The following DISP1 variants were observed in gnomAD, a reference collection of about 807,000 sequenced individuals.
The protein encoded by DISP1 is dispatched RND transporter family member 1, also known as protein dispatched homolog 1.
In DISP1, 30 loss-of-function variants were observed where a neutral mutation model predicts 37.3. The observed-to-expected ratio is 0.80, with a 90% CI of 0.60 to 1.09. The LOEUF (loss-of-function observed/expected upper bound fraction) is 1.09. DISP1 is among the 50% of genes least tolerant of loss of function. The probability of loss-of-function intolerance (pLI) is 0.00; values close to 1 mark genes in which losing one functional copy is unlikely to be tolerated. For synonymous variants in DISP1, 634 were observed against 690.2 expected, an observed-to-expected ratio of 0.92 and a Z score of 1.28; for missense variants, 1,598 against 1,879.5, an observed-to-expected ratio of 0.85 and a Z score of 2.77.
At chr1:222,898,454 A>T (rs1030869615) in intron 1 of DISP1, among the ~76,000 whole-genome samples, 5 of 151,870 alleles carry the variant, frequency 3.3e-5, no homozygotes, top group South Asian at 4.2e-4. Flanking sequence ...CCTGCCAAAA[A>T]TTTTTTGAAG....
rs74317457 is a variant in DISP1 at position 222,983,238 on chromosome 1, T to C, written c.539+129T>C. The C allele has an allele frequency of 2.4e-3, 1,939 of 809,178 alleles. 29 individuals carry two copies. The African/African-American group carries it at 0.03, about 13-fold the overall frequency. 50.1% of individuals were successfully genotyped at this position (809,178 alleles called of 1,614,324 possible). A position where few individuals can be genotyped will look rare whatever the true frequency, so the allele number is the denominator to read the frequency against. The stretch of plus-strand genomic sequence containing the variant: ...CATATTTTTATGAAAGAAAAAGAAA[T>C]GTCCCATGAGTTGGCTGCTTGAGGA... On this transcript the variant is annotated intron_variant, in intron 4 of 8. Coordinates refer to ENST00000675850, the MANE Select transcript of DISP1 (RefSeq NM_001377229.1).
intron 8 of DISP1, among the ~76,000 whole-genome samples, chr1:222,996,516 T>C (rs960302805): frequency 6.6e-6 from 1 of 152,236 alleles, no homozygotes; most frequent in African/African-American, 2.4e-5. Flanking sequence ...CTACCTTTGG[T>C]TGATCTTCAG....
chr1:222,842,729 T>C lies in DISP1; in HGVS notation c.-159+27651T>C, dbSNP rs377404585. ...GTATACATTAATTTATTAATGGTAC[T>C]AAGAAGTCCTGTGGTAATAAAAATG... is the stretch of plus-strand genomic sequence containing the variant. On this transcript the variant is annotated intron_variant, in intron 1 of 8. Coordinates refer to ENST00000675850, the MANE Select transcript of DISP1 (RefSeq NM_001377229.1). Among the ~76,000 whole-genome samples, 11 of 152,200 alleles carry C rather than the reference T, an allele frequency of 7.2e-5. No homozygotes were observed. In the Middle Eastern group the frequency reaches 0.01, roughly 141 times the overall value.
chr1:222,824,626 TC>T (rs1345217276), intron 1 of DISP1, among the ~76,000 whole-genome samples: 1 of 152,122 alleles, frequency 6.6e-6, no homozygotes, highest in African/African-American at 2.4e-5. Context: ...TTTTTTTTTT[TC>T]CAGGATGGTA....
At chr1:222,942,338 A>G (rs778757674) in intron 2 of DISP1, among the ~76,000 whole-genome samples, 3 of 152,148 alleles carry the variant, frequency 2.0e-5, no homozygotes, top group Admixed American at 6.6e-5. Flanking sequence ...CATTCTTAAG[A>G]TTATTCAAAT....
At chr1:222,858,578 C>T (rs1453827457) in intron 1 of DISP1, among the ~76,000 whole-genome samples, 1 of 151,974 alleles carries the variant, frequency 6.6e-6, no homozygotes, top group African/African-American at 2.4e-5. Context: ...TGCACTCTAT[C>T]CATCTGATAA....
chr1:222,965,008 GT>G (rs956139537), intron 3 of DISP1, among the ~76,000 whole-genome samples: 13 of 149,468 alleles, frequency 8.7e-5, no homozygotes, highest in South Asian at 8.5e-4. Context: ...TCCTTCAGTA[GT>G]TTTTTTTTTC....
intron 1 of DISP1, among the ~76,000 whole-genome samples, chr1:222,891,845 A>G (rs1197477094): frequency 6.6e-6 from 1 of 152,090 alleles, no homozygotes; most frequent in Non-Finnish European, 1.5e-5. Context: ...AGGCCAATGG[A>G]GAAGAAGAAG....
At chr1:222,978,873 G>T (rs1677609725) in intron 3 of DISP1, among the ~76,000 whole-genome samples, 1 of 152,060 alleles carries the variant, frequency 6.6e-6, no homozygotes, top group Non-Finnish European at 1.5e-5. Flanking sequence ...CTGTTCCATT[G>T]GTCTATCTCT....
intron 7 of DISP1, among the ~76,000 whole-genome samples, chr1:222,994,060 G>T (rs1385276914): frequency 6.6e-6 from 1 of 151,910 alleles, no homozygotes; most frequent in African/African-American, 2.4e-5. Context: ...TTAATACGTG[G>T]TTCATATTGT....
At chr1:222,910,345 G>A (rs535813079) in intron 1 of DISP1, among the ~76,000 whole-genome samples, 48 of 152,156 alleles carry the variant, frequency 3.2e-4, no homozygotes, top group African/African-American at 1.1e-3. Context: ...CCTGGGGGTC[G>A]GAGTAAGACC....
At chr1:222,986,697 C>T (rs1353857990) in intron 4 of DISP1, among the ~76,000 whole-genome samples, 2 of 152,178 alleles carry the variant, frequency 1.3e-5, no homozygotes, top group East Asian at 1.9e-4. Flanking sequence ...AGATCCGTCT[C>T]CTATTAGAGA....
At chr1:222,993,810 G>A (rs1192795893) in intron 7 of DISP1, among the ~76,000 whole-genome samples, 2 of 152,110 alleles carry the variant, frequency 1.3e-5, no homozygotes, top group Non-Finnish European at 2.9e-5. Context: ...CTCATAAGTA[G>A]ATTCTGCCTT....
intron 1 of DISP1, among the ~76,000 whole-genome samples, chr1:222,913,752 G>GAA (rs34122430): frequency 2.7e-5 from 4 of 146,504 alleles, no homozygotes; most frequent in Non-Finnish European, 6.0e-5. Flanking sequence ...ACAAAAAAAA[G>GAA]AAAAAAAAAA....
intron 3 of DISP1, among the ~76,000 whole-genome samples, chr1:222,969,112 T>G (rs1360084783): frequency 6.6e-6 from 1 of 151,782 alleles, no homozygotes; most frequent in Non-Finnish European, 1.5e-5. Flanking sequence ...GGCTCACGCC[T>G]GTAATCCCAG....
At chr1:222,992,864 A>ATTTTTTTTTTTTTTTTTTTT (rs71178523) in intron 7 of DISP1, among the ~76,000 whole-genome samples, 1 of 118,598 alleles carries the variant, frequency 8.4e-6, no homozygotes, top group Non-Finnish European at 1.7e-5. Context: ...AAAACCCAGA[A>ATTTTTTTTTTTTTTTTTTTT]TTTTTTTTTT....
chr1:222,991,497 G>T, intron 5 of DISP1, 23 bp from the exon 6 acceptor site: 2 of 1,613,332 alleles, frequency 1.2e-6, no homozygotes, highest in South Asian at 2.2e-5. Flanking sequence ...ATATACTAAT[G>T]AGCACCTGTA....
At chr1:222,914,230 C>G (rs1294653927) in intron 1 of DISP1, among the ~76,000 whole-genome samples, 3 of 152,072 alleles carry the variant, frequency 2.0e-5, no homozygotes, top group Non-Finnish European at 2.9e-5. Flanking sequence ...AAATATAGTA[C>G]TTAAATCCAG....
intron 1 of DISP1, among the ~76,000 whole-genome samples, chr1:222,868,082 A>G (rs1572380810): frequency 6.6e-6 from 1 of 152,108 alleles, no homozygotes; most frequent in Admixed American, 6.6e-5. Flanking sequence ...TTTTGCAGGT[A>G]TTAAGAAAAG....
Sources: gnomAD v4.1 joint callset for allele counts (sites outside exome capture counted in the v4.1 genomes callset) on GRCh38, gnomAD v4.1.1 for gene constraint, MANE v1.5 for transcripts, NCBI Gene and HGNC (gene_info 2026-07-23, HGNC 2026-07-21) for gene names.